Variants in VEPH1 observed in about 807,000 individuals in gnomAD.
VEPH1 encodes the protein ventricular zone expressed PH domain containing 1.
In VEPH1, 80 loss-of-function variants were observed where a neutral mutation model predicts 85.2. The ratio of observed to expected loss-of-function variants is 0.94; its 90% CI spans 0.78 to 1.13. The LOEUF (loss-of-function observed/expected upper bound fraction) is 1.13. Among genes scored for constraint, VEPH1 ranks in the 50% most tolerant of loss-of-function variants. The pLI, the probability that VEPH1 is intolerant of heterozygous loss-of-function variation, is 0.00. For missense variants in VEPH1, 955 were observed against 980.5 expected, an observed-to-expected ratio of 0.97 and a Z score of 0.35; for synonymous variants, 297 against 348.0, an observed-to-expected ratio of 0.85 and a Z score of 1.63.
intron 9 of VEPH1, among the ~76,000 whole-genome samples, chr3:157,334,168 C>T (rs1020099193): frequency 3.9e-5 from 6 of 152,140 alleles, no homozygotes; most frequent in African/African-American, 7.2e-5. Flanking sequence ...AGATGCCAAC[C>T]GTCTATTCCC....
chr3:157,397,618 T>G (rs980604308), intron 6 of VEPH1, among the ~76,000 whole-genome samples: 4 of 152,140 alleles, frequency 2.6e-5, no homozygotes, highest in African/African-American at 9.7e-5. Flanking sequence ...TGTAGTTCTC[T>G]TTGAAGAGGG....
chr3:157,329,851 C>T (rs183682018), intron 9 of VEPH1, among the ~76,000 whole-genome samples: 1 of 152,326 alleles, frequency 6.6e-6, no homozygotes, highest in East Asian at 1.9e-4. Context: ...ACCTCTGCCT[C>T]AACTGACTAT....
chr3:157,354,683 T>C (rs917470646), intron 9 of VEPH1, among the ~76,000 whole-genome samples: 3 of 152,160 alleles, frequency 2.0e-5, no homozygotes, highest in African/African-American at 7.2e-5. Context: ...ATTCTTTCTA[T>C]ATATTTTTTG....
chr3:157,369,369 T>A (rs559780211), intron 7 of VEPH1, among the ~76,000 whole-genome samples: 1 of 151,986 alleles, frequency 6.6e-6, no homozygotes, highest in Non-Finnish European at 1.5e-5. Context: ...ATATGAAGAA[T>A]GAAGAAGCAA....
At chr3:157,486,066 T>C (rs1213593820) in intron 2 of VEPH1, among the ~76,000 whole-genome samples, 1 of 152,186 alleles carries the variant, frequency 6.6e-6, no homozygotes, top group Non-Finnish European at 1.5e-5. Context: ...TGCAAACTTA[T>C]TGAGGATATA....
At chr3:157,373,544 T>C (rs916403372) in intron 7 of VEPH1, among the ~76,000 whole-genome samples, 1 of 152,124 alleles carries the variant, frequency 6.6e-6, no homozygotes, top group Non-Finnish European at 1.5e-5. Flanking sequence ...TAGGGAGCAT[T>C]TGGGGAACCA....
chr3:157,470,172 C>T, intron 3 of VEPH1, 142 bp downstream of exon 3: 1 of 722,370 alleles, frequency 1.4e-6, no homozygotes, highest in Admixed American at 2.7e-5. Flanking sequence ...AATTACCGGC[C>T]CTCCCAGCTA....
chr3:157,465,373 G>A (rs1199802069), intron 3 of VEPH1, among the ~76,000 whole-genome samples: 3 of 152,154 alleles, frequency 2.0e-5, no homozygotes, highest in African/African-American at 4.8e-5. Context: ...TTAGTCTCCT[G>A]CAGATAATGA....
intron 9 of VEPH1, among the ~76,000 whole-genome samples, chr3:157,334,808 A>G (rs1722812597): frequency 6.6e-6 from 1 of 152,208 alleles, no homozygotes; most frequent in African/African-American, 2.4e-5. Flanking sequence ...GCGGGCACCT[A>G]GAGGAGCAAG....
chr3:157,267,819 A>G (rs1713948855), intron 12 of VEPH1, among the ~76,000 whole-genome samples: 1 of 152,200 alleles, frequency 6.6e-6, no homozygotes, highest in South Asian at 2.1e-4. Context: ...ATATATTGTA[A>G]GATAGTGATA....
chr3:157,479,452 C>A (rs1737805586), intron 2 of VEPH1, among the ~76,000 whole-genome samples: 1 of 152,176 alleles, frequency 6.6e-6, no homozygotes, highest in South Asian at 2.1e-4. Flanking sequence ...ATTCATTAAC[C>A]TTTTATGTCA....
intron 2 of VEPH1, chr3:157,489,322 T>G (rs1251608809): frequency 2.6e-6 from 1 of 388,482 alleles, no homozygotes; most frequent in African/African-American, 2.1e-5. Flanking sequence ...CCTCAGAAAC[T>G]CCAGCCTACA....
chr3:157,334,443 A>T (rs953281743), intron 9 of VEPH1, among the ~76,000 whole-genome samples: 5 of 152,186 alleles, frequency 3.3e-5, no homozygotes, highest in Admixed American at 1.3e-4. Flanking sequence ...ACAAGTTCTG[A>T]AAAATGTTAC....
chr3:157,356,359 C>A (rs1221806986), intron 9 of VEPH1, among the ~76,000 whole-genome samples: 1 of 152,160 alleles, frequency 6.6e-6, no homozygotes, highest in Non-Finnish European at 1.5e-5. Context: ...TCCAAGTAGA[C>A]TCTGTCAGCT....
chr3:157,486,871 A>G (rs528540078), intron 2 of VEPH1, among the ~76,000 whole-genome samples: 2 of 152,300 alleles, frequency 1.3e-5, no homozygotes, highest in South Asian at 4.1e-4. Flanking sequence ...TTAACTTAAC[A>G]ACAAAAAGAT....
chr3:157,467,638 G>A (rs528491575), intron 3 of VEPH1, among the ~76,000 whole-genome samples: 1 of 152,314 alleles, frequency 6.6e-6, no homozygotes, highest in African/African-American at 2.4e-5. Context: ...GCTGAACTTT[G>A]CTGAAAGCAA....
chr3:157,297,639 G>A (rs1718296852), intron 11 of VEPH1, among the ~76,000 whole-genome samples: 1 of 152,114 alleles, frequency 6.6e-6, no homozygotes, highest in Non-Finnish European at 1.5e-5. Context: ...AAGCATGAAT[G>A]GAGGAGCTAA....
At chr3:157,439,645 T>C (rs1015402319) in intron 4 of VEPH1, among the ~76,000 whole-genome samples, 4 of 152,224 alleles carry the variant, frequency 2.6e-5, no homozygotes, top group Non-Finnish European at 5.9e-5. Context: ...GCTGAGTCTC[T>C]GAGATGCAAT....
intron 2 of VEPH1, among the ~76,000 whole-genome samples, chr3:157,486,860 TTTAAC>T (rs1179207582): frequency 6.6e-6 from 1 of 152,120 alleles, no homozygotes; most frequent in African/African-American, 2.4e-5. Flanking sequence ...GCAGTTAAGA[TTTAAC>T]TTAACAACAA....
Sources: gnomAD v4.1 joint callset for allele counts (sites outside exome capture counted in the v4.1 genomes callset) on GRCh38, gnomAD v4.1.1 for gene constraint, MANE v1.5 for transcripts, NCBI Gene and HGNC (gene_info 2026-07-23, HGNC 2026-07-21) for gene names.